Variants in FGD4 observed in about 807,000 individuals in gnomAD.
FGD4 encodes FYVE, RhoGEF and PH domain-containing protein 4.
A neutral mutation model predicts 102.0 loss-of-function variants in FGD4; 42 were observed. That is an observed-to-expected ratio of 0.41 (90% CI 0.32 to 0.53). The LOEUF (loss-of-function observed/expected upper bound fraction) is 0.53. FGD4 is among the 20% of genes least tolerant of loss of function. The pLI is 0.21. For synonymous variants in FGD4, 380 were observed against 375.7 expected (o/e 1.01, Z -0.13); for missense variants, 902 against 1,078.2 (o/e 0.84, Z 2.29).
chr12:32,563,894 G>C (rs76363842), intron 1 of FGD4, among the ~76,000 whole-genome samples: 1 of 152,186 alleles, frequency 6.6e-6, no homozygotes, highest in East Asian at 1.9e-4. Context: ...GCAGGCACTC[G>C]GCAGGCTGAG....
intron 1 of FGD4, among the ~76,000 whole-genome samples, chr12:32,450,384 T>TA (rs1307221551): frequency 6.6e-6 from 1 of 152,182 alleles, no homozygotes; most frequent in Admixed American, 6.5e-5. Flanking sequence ...CTATTTTTTT[T>TA]ATCACACTTT....
chr12:32,589,289 T>C (rs1273007344), intron 4 of FGD4, among the ~76,000 whole-genome samples: 3 of 152,224 alleles, frequency 2.0e-5, no homozygotes, highest in African/African-American at 7.2e-5. Context: ...GCCAGGTTAA[T>C]ACCAGCACCT....
intron 1 of FGD4, among the ~76,000 whole-genome samples, chr12:32,478,069 A>T (rs973184814): frequency 4.6e-5 from 7 of 152,226 alleles, no homozygotes; most frequent in Non-Finnish European, 7.3e-5. Context: ...ATGCCCTGTG[A>T]CAACAGTGAT....
intron 2 of FGD4, among the ~76,000 whole-genome samples, chr12:32,565,158 G>A (rs1345753212): frequency 6.6e-6 from 1 of 152,148 alleles, no homozygotes; most frequent in Non-Finnish European, 1.5e-5. Context: ...ATGTATTCTA[G>A]AGCATGCATT....
intron 2 of FGD4, 117 bp downstream of exon 2, chr12:32,564,406 A>G (rs1457495787): frequency 1.6e-6 from 2 of 1,269,966 alleles, no homozygotes; most frequent in East Asian, 2.6e-5. Flanking sequence ...AATTGGGTAC[A>G]TTATTTTTTA....
intron 1 of FGD4, among the ~76,000 whole-genome samples, chr12:32,464,405 G>A (rs1440775746): frequency 6.6e-6 from 1 of 151,938 alleles, no homozygotes; most frequent in East Asian, 1.9e-4. Context: ...CGCCCACCTC[G>A]GTCTCCCAAA....
At chr12:32,585,440 T>C (rs1435228885) in intron 4 of FGD4, among the ~76,000 whole-genome samples, 2 of 151,562 alleles carry the variant, frequency 1.3e-5, no homozygotes, top group East Asian at 3.9e-4. Flanking sequence ...ACCAGCAACA[T>C]AGAAATGGAC....
chr12:32,593,681 C>T (rs1425724512), intron 4 of FGD4, among the ~76,000 whole-genome samples: 1 of 152,306 alleles, frequency 6.6e-6, no homozygotes, highest in Admixed American at 6.5e-5. Context: ...AGCAGTAATA[C>T]ACAGTTATAT....
chr12:32,576,621 T>G (rs896975962), intron 3 of FGD4, among the ~76,000 whole-genome samples, 172 bp downstream of exon 3: 1 of 152,250 alleles, frequency 6.6e-6, no homozygotes, highest in African/African-American at 2.4e-5. Flanking sequence ...CTTACCCTAA[T>G]ATGAACTGTC....
At position 32,498,672 on chromosome 12, in the gene FGD4, T is replaced by G. The variant is rs1937973985; in HGVS notation, c.167-65465T>G. On this transcript the variant is annotated intron_variant, in intron 1 of 16. Transcript: ENST00000534526. ...AGGCTGGAGTGCAGTGATGCGATCT[T>G]GGCTTACTGCAACCACTGCCTCCTG... Among the ~76,000 whole-genome samples, 3 of 152,246 alleles carry G rather than the reference T, an allele frequency of 2.0e-5. No individual in the cohort carries two copies. The South Asian group carries it at 6.2e-4, about 32-fold the overall frequency.
At chr12:32,418,369 G>C (rs900942350) in intron 1 of FGD4, among the ~76,000 whole-genome samples, 1 of 152,128 alleles carries the variant, frequency 6.6e-6, no homozygotes, top group Non-Finnish European at 1.5e-5. Flanking sequence ...AGTCTTCACT[G>C]TCTGGGTTTG....
intron 1 of FGD4, among the ~76,000 whole-genome samples, chr12:32,467,550 G>A (rs559043011): frequency 6.6e-6 from 1 of 152,216 alleles, no homozygotes; most frequent in Non-Finnish European, 1.5e-5. Context: ...CTAATAAAGT[G>A]GAGGGCATAG....
At chr12:32,415,414 CTTTTTTTTTTTTTTT>C (rs34612851) in intron 1 of FGD4, among the ~76,000 whole-genome samples, 1,030 of 89,656 alleles carry the variant, frequency 0.011, 20 homozygotes, top group African/African-American at 0.047. Context: ...ATCTGTCTCT[CTTTTTTTTTTTTTTT>C]TTTTTTTTTT....
At chr12:32,611,088 A>G in intron 9 of FGD4, 49 bp from the exon 10 acceptor site, 1 of 1,609,840 alleles carries the variant, frequency 6.2e-7, no homozygotes, top group South Asian at 1.1e-5. Flanking sequence ...TATTAAAGCT[A>G]CTAGGTTGAA....
chr12:32,487,314 G>A (rs542706882), intron 1 of FGD4, among the ~76,000 whole-genome samples: 12 of 152,234 alleles, frequency 7.9e-5, no homozygotes, highest in African/African-American at 2.4e-4. Context: ...AAACAAATGT[G>A]TTGGGCATAT....
intron 1 of FGD4, among the ~76,000 whole-genome samples, chr12:32,414,443 A>G (rs1003479506): frequency 6.6e-6 from 1 of 152,164 alleles, no homozygotes; most frequent in Non-Finnish European, 1.5e-5. Context: ...TTACAATCCA[A>G]TTACACTCTT....
intron 1 of FGD4, among the ~76,000 whole-genome samples, chr12:32,525,145 T>C (rs1467368296): frequency 6.6e-6 from 1 of 152,168 alleles, no homozygotes; most frequent in Non-Finnish European, 1.5e-5. Flanking sequence ...TGTTGTCTAG[T>C]GTACCTTTGC....
At chr12:32,562,732 A>G (rs1944723003) in intron 1 of FGD4, among the ~76,000 whole-genome samples, 1 of 152,176 alleles carries the variant, frequency 6.6e-6, no homozygotes. Flanking sequence ...TTGGGGGTAA[A>G]AGGTCACCGA....
intron 1 of FGD4, among the ~76,000 whole-genome samples, chr12:32,481,046 G>A (rs1032463297): frequency 7.6e-5 from 11 of 144,948 alleles, no homozygotes; most frequent in Admixed American, 2.2e-4. Context: ...TGAACTCCTG[G>A]GCTCAAGCAA....
Sources: allele counts gnomAD v4.1 joint callset (sites outside exome capture counted in the v4.1 genomes callset), GRCh38; gene constraint gnomAD v4.1.1; transcripts MANE v1.5; gene names NCBI Gene and HGNC (gene_info 2026-07-23, HGNC 2026-07-21).